The following CASR variants were observed in gnomAD, a reference collection of about 807,000 sequenced individuals.
The protein encoded by CASR is calcium sensing receptor, also known as extracellular calcium-sensing receptor.
A neutral mutation model predicts 69.1 loss-of-function variants in CASR; 23 were observed. The ratio of observed to expected loss-of-function variants is 0.33; its 90% CI spans 0.24 to 0.47. The LOEUF (loss-of-function observed/expected upper bound fraction) is 0.47, where lower values mean the gene tolerates loss of function less well. Ranked by LOEUF, CASR falls within the 20% of genes least tolerant of loss-of-function variation. The pLI is 1.00. For synonymous variants in CASR, 541 were observed against 544.7 expected, an observed-to-expected ratio of 0.99 and a Z score of 0.10; for missense variants, 924 against 1,356.1, an observed-to-expected ratio of 0.68 and a Z score of 5.00.
intron 1 of CASR, among the ~76,000 whole-genome samples, chr3:122,205,992 T>G (rs1444080920): frequency 6.6e-6 from 1 of 151,862 alleles, no homozygotes; most frequent in Non-Finnish European, 1.5e-5. Context: ...GTTTTTCTCA[T>G]TATAAGATCA....
chr3:122,208,358 T>C (rs2074029526), intron 1 of CASR, among the ~76,000 whole-genome samples: 1 of 152,188 alleles, frequency 6.6e-6, no homozygotes, highest in African/African-American at 2.4e-5. Context: ...TAATTCTAAT[T>C]ATTTGTATGT....
chr3:122,250,767 G>A (rs144269347), intron 1 of CASR, among the ~76,000 whole-genome samples: 22 of 152,232 alleles, frequency 1.4e-4, no homozygotes, highest in African/African-American at 5.3e-4. Context: ...CATTTATTCA[G>A]CATTTACTAT....
chr3:122,236,691 C>A (rs991951351), intron 1 of CASR, among the ~76,000 whole-genome samples: 4 of 152,206 alleles, frequency 2.6e-5, no homozygotes, highest in African/African-American at 9.7e-5. Flanking sequence ...ATCTTGAAAT[C>A]TCCAGTGGGA....
chr3:122,285,428 C>T lies in CASR; in HGVS notation c.*237C>T. On this transcript the variant is annotated 3_prime_UTR_variant, in exon 7 of 7. Coordinates refer to ENST00000639785, the MANE Select transcript of CASR (RefSeq NM_000388.4). ...TGCATTTGTCAAAGCATTGAGATCT[C>T]CACGGTCAGATTTGCTGTTCACCCA... The T allele has an allele frequency of 4.8e-6, 2 of 415,208 alleles. No homozygotes were observed. The highest frequency in any genetic ancestry group is 8.8e-6 in the Non-Finnish European group (2 of 226,956). 25.7% of individuals were successfully genotyped at this position (415,208 alleles called of 1,614,324 possible).
intron 1 of CASR, among the ~76,000 whole-genome samples, chr3:122,214,613 T>C (rs1388576326): frequency 6.6e-6 from 1 of 152,222 alleles, no homozygotes; most frequent in Non-Finnish European, 1.5e-5. Context: ...CAGGGAAAGA[T>C]GTACTACTAT....
chr3:122,209,562 A>G (rs919604182), intron 1 of CASR, among the ~76,000 whole-genome samples: 1 of 152,178 alleles, frequency 6.6e-6, no homozygotes, highest in African/African-American at 2.4e-5. Flanking sequence ...ATCGTATCTC[A>G]TGAGACTTAT....
chr3:122,269,215 T>C (rs535059978), intron 4 of CASR, among the ~76,000 whole-genome samples: 1 of 152,360 alleles, frequency 6.6e-6, no homozygotes, highest in Admixed American at 6.5e-5. Context: ...TCAATCTTAC[T>C]CGGCCTGATT....
chr3:122,261,861 C>A lies in CASR; in HGVS notation c.826C>A (p.Leu276Ile). The A allele has an allele frequency of 1.2e-6, 2 of 1,614,230 alleles. No homozygotes were observed. The highest frequency in any genetic ancestry group is 8.5e-7 in the Non-Finnish European group (1 of 1,180,034). Residue 276 changes from leucine (L) to isoleucine (I), a missense_variant, in exon 4 of 7, where the codon CTT (leucine) becomes ATT (isoleucine). Coordinates refer to ENST00000639785, the MANE Select transcript of CASR (RefSeq NM_000388.4). ...CGTGGTTTTCTCCAGTGGCCCAGATCTTGAGCCCCTCATCAAGGAGATTGT... is the reference window on the plus strand; with the variant it reads ...CGTGGTTTTCTCCAGTGGCCCAGATATTGAGCCCCTCATCAAGGAGATTGT... The part of the protein sequence containing the change: ...VIVVFSSGPD[L>I]EPLIKEIVRR...
At chr3:122,259,496 T>G (rs62269091) in intron 3 of CASR, among the ~76,000 whole-genome samples, 26,538 of 152,186 alleles carry the variant, frequency 0.17, 2,663 homozygotes, top group Admixed American at 0.24. Flanking sequence ...CTATAACTTC[T>G]AAAATAAAAG....
chr3:122,248,750 C>T (rs2074453527), intron 1 of CASR, among the ~76,000 whole-genome samples: 1 of 151,978 alleles, frequency 6.6e-6, no homozygotes, highest in Admixed American at 6.6e-5. Context: ...AATCATTTTG[C>T]TCTAGAGATT....
intron 1 of CASR, among the ~76,000 whole-genome samples, chr3:122,253,089 TA>T (rs1202334838): frequency 6.6e-6 from 1 of 152,152 alleles, no homozygotes; most frequent in Non-Finnish European, 1.5e-5. Context: ...GAACTGTTCT[TA>T]AAAGGCTTAC....
chr3:122,261,518 T>A lies in CASR; in HGVS notation c.493-10T>A. 1 of 1,613,810 alleles carries A rather than the reference T, an allele frequency of 6.2e-7. No individual in the cohort carries two copies. The highest frequency in any genetic ancestry group is 8.5e-7 in the Non-Finnish European group (1 of 1,179,822). On this transcript the variant is annotated splice_polypyrimidine_tract_variant and intron_variant, in intron 3 of 6. Coordinates refer to ENST00000639785, the MANE Select transcript of CASR (RefSeq NM_000388.4). ...ACTCACTCATTCACCATGTTCTTGG[T>A]TCTCTCCAGGTCAGTTATGCCTCCT...
At chr3:122,192,347 G>T (rs1183268439) in intron 1 of CASR, among the ~76,000 whole-genome samples, 1 of 152,258 alleles carries the variant, frequency 6.6e-6, no homozygotes, top group East Asian at 1.9e-4. Context: ...GGGCTGTTAT[G>T]TGGCTTAAAT....
At chr3:122,196,222 C>T (rs114291810) in intron 1 of CASR, among the ~76,000 whole-genome samples, 57 of 152,006 alleles carry the variant, frequency 3.7e-4, no homozygotes, top group Non-Finnish European at 7.7e-4. Context: ...TGATAAATAA[C>T]ATAAATATAT....
intron 1 of CASR, among the ~76,000 whole-genome samples, chr3:122,200,869 G>A (rs2073941563): frequency 6.6e-6 from 1 of 152,088 alleles, no homozygotes; most frequent in African/African-American, 2.4e-5. Context: ...CTTGCCAACA[G>A]TTGAATCATT....
chr3:122,243,719 T>A (rs2074400591), intron 1 of CASR, among the ~76,000 whole-genome samples: 2 of 152,140 alleles, frequency 1.3e-5, no homozygotes. Flanking sequence ...AAGGGATATC[T>A]GCACTTTCAT....
chr3:122,264,556 C>A (rs1198810986), intron 4 of CASR, among the ~76,000 whole-genome samples: 1 of 152,204 alleles, frequency 6.6e-6, no homozygotes, highest in Non-Finnish European at 1.5e-5. Context: ...GTCCACTACA[C>A]AGACACTTCA....
chr3:122,184,846 T>A (rs919663532), intron 1 of CASR, among the ~76,000 whole-genome samples: 6 of 152,218 alleles, frequency 3.9e-5, no homozygotes, highest in Non-Finnish European at 7.3e-5. Context: ...CTGCCTGTGA[T>A]ATAGTCAGAA....
rs370883751 is a variant in CASR at position 122,185,309 on chromosome 3, A to G, written c.-243+1497A>G. 2.6e-5 allele frequency among the ~76,000 whole-genome samples: 4 copies of G among 152,356 alleles called. No individual in the cohort carries two copies. The East Asian group carries it at 7.7e-4, about 29-fold the overall frequency. ...GTCGCCGTCTTTTGATTCTTTATCCAGAAAATGATGTCACCACCACTGCCC... is the reference window on the plus strand; with the variant it reads ...GTCGCCGTCTTTTGATTCTTTATCCGGAAAATGATGTCACCACCACTGCCC... On this transcript the variant is annotated intron_variant, in intron 1 of 6. Transcript: ENST00000639785.
Sources: gnomAD v4.1 joint callset for allele counts (sites outside exome capture counted in the v4.1 genomes callset) on GRCh38, gnomAD v4.1.1 for gene constraint, MANE v1.5 for transcripts, NCBI Gene and HGNC (gene_info 2026-07-23, HGNC 2026-07-21) for gene names.